The following TSPAN1 variants were observed in gnomAD, a reference collection of about 807,000 sequenced individuals.
TSPAN1 encodes the protein tetraspanin 1.
Under a neutral mutation model 26.9 loss-of-function variants are expected in TSPAN1, and 23 were observed. The ratio of observed to expected loss-of-function variants is 0.85; its 90% CI spans 0.62 to 1.21. The LOEUF is 1.21. Among genes scored for constraint, TSPAN1 ranks in the 50% most tolerant of loss-of-function variants. The probability of loss-of-function intolerance (pLI) is 0.00; values close to 1 mark genes in which losing one functional copy is unlikely to be tolerated. For synonymous variants in TSPAN1, 115 were observed against 114.8 expected, an observed-to-expected ratio of 1.00 and a Z score of -0.01; for missense variants, 283 against 298.4, an observed-to-expected ratio of 0.95 and a Z score of 0.38.
chr1:46,188,564 A>C, downstream of TSPAN1: 2 of 1,354,382 alleles, frequency 1.5e-6, no homozygotes, highest in Non-Finnish European at 2.0e-6. Flanking sequence ...AAATGGCCCC[A>C]AATGGAAGAT....
chr1:46,189,347 G>T (rs771922809), downstream of TSPAN1: 9 of 1,613,874 alleles, frequency 5.6e-6, no homozygotes, highest in African/African-American at 2.7e-5. Context: ...ACTGAGGGTG[G>T]CTTCTTCACT....
the TSPAN1 span, chr1:46,194,956 C>T: frequency 3.1e-6 from 5 of 1,614,062 alleles, no homozygotes; most frequent in Non-Finnish European, 1.7e-6. Flanking sequence ...GGAAGGAGCC[C>T]TCATCCTGGG....
downstream of TSPAN1, chr1:46,188,709 A>C (rs781425989): frequency 6.3e-7 from 1 of 1,597,706 alleles, no homozygotes; most frequent in Non-Finnish European, 8.5e-7. Context: ...TTTTTTAATC[A>C]ATGACCAACT....
rs751408151 is a variant in TSPAN1, at chr1:46,176,478, A to C, written c.-142+1069A>C. 7.8e-6 allele frequency: 12 copies of C among 1,535,354 alleles called. No individual in the cohort carries two copies. In the South Asian group the frequency reaches 1.3e-4, roughly 17 times the overall value. On this transcript the variant is annotated intron_variant, in intron 1 of 8. Coordinates refer to ENST00000372003, the MANE Select transcript of TSPAN1 (RefSeq NM_005727.4). Reference sequence around the variant, plus strand: ...CAAGCCGAGATGGCCCCATGGGCACAGGGAGCTTCTGCAGTGTGCCTGGGG... The same window carrying C: ...CAAGCCGAGATGGCCCCATGGGCACCGGGAGCTTCTGCAGTGTGCCTGGGG...
At chr1:46,188,685 C>T (rs1657501943), downstream of TSPAN1, 1 of 1,591,990 alleles carries the variant, frequency 6.3e-7, no homozygotes, top group African/African-American at 1.3e-5. Context: ...AAGACATCCC[C>T]AGAGGGCTTC....
chr1:46,185,578 G>C lies in TSPAN1; in HGVS notation c.*45G>C. The C allele has an allele frequency of 6.2e-7, 1 of 1,604,172 alleles. No individual in the cohort carries two copies. The highest frequency in any genetic ancestry group is 1.3e-5 in the African/African-American group (1 of 74,834). ...ACTACTGCTGCCACATGGGAACTGTGAAGAGGCACCCTGGCAAGCAGCAGT... is the reference window on the plus strand; with the variant it reads ...ACTACTGCTGCCACATGGGAACTGTCAAGAGGCACCCTGGCAAGCAGCAGT... On this transcript the variant is annotated 3_prime_UTR_variant, in exon 9 of 9. Transcript: ENST00000372003.
chr1:46,182,303 G>GTAAAAAAAAAAAAAAAAAAAAAAAAAA lies in TSPAN1; in HGVS notation c.57+1139_57+1140insTAAAAAAAAAAAAAAAAAAAAAAAAAA, dbSNP rs1557664937. Among the ~76,000 whole-genome samples, 2 of 2,414 alleles carry GTAAAAAAAAAAAAAAAAAAAAAAAAAA rather than the reference G, an allele frequency of 8.3e-4. 1 individual carries two copies. Among genetic ancestry groups the GTAAAAAAAAAAAAAAAAAAAAAAAAAA allele is most frequent in the African/African-American group, 9.0e-4 (2 of 2,214 alleles). 1.6% of individuals were successfully genotyped at this position (2,414 alleles called of 152,430 possible). On this transcript the variant is annotated intron_variant, in intron 3 of 8. Transcript: ENST00000372003. ...GGGAAACCCAATTTATTAGGGATAAGCAAAAAAAAAAAAAGCCACTGTGAA... is the reference window on the plus strand; with the variant it reads ...GGGAAACCCAATTTATTAGGGATAAGTAAAAAAAAAAAAAAAAAAAAAAAAAACAAAAAAAAAAAAAGCCACTGTGAA...
intron 3 of TSPAN1, 117 bp downstream of exon 3, chr1:46,181,281 C>T (rs1657309620): frequency 9.8e-7 from 1 of 1,016,304 alleles, no homozygotes; most frequent in South Asian, 1.5e-5. Flanking sequence ...CTGCATGTGT[C>T]CCCTTATGAG....
chr1:46,176,132 C>T (rs1269351367), intron 1 of TSPAN1: 18 of 1,420,598 alleles, frequency 1.3e-5, no homozygotes, highest in Non-Finnish European at 1.7e-5. Context: ...GCCTTGGCCT[C>T]CCAAAGTGCC....
chr1:46,184,392 G>A lies in TSPAN1; in HGVS notation c.259G>A (p.Val87Met), dbSNP rs2234268. The change falls in exon 4 of 9, where the codon GTG (valine) becomes ATG (methionine). Residue 87 changes from valine to methionine, a missense_variant. Physicochemically the swap from Val to Met is conservative, Grantham distance 21. Transcript: ENST00000372003. ...GAKTESKCAL[V>M]TFFFILLLIF... ...TAAGACTGAGAGCAAGTGTGCCCTC[G>A]TGACGGTGTGTGAAACCCAGCTCCA... 212 of 1,614,016 alleles carry A rather than the reference G, an allele frequency of 1.3e-4. 2 individuals carry two copies. The East Asian group carries it at 3.7e-3, about 28-fold the overall frequency.
downstream of TSPAN1, chr1:46,190,387 G>A: frequency 6.7e-7 from 1 of 1,482,860 alleles, no homozygotes; most frequent in Non-Finnish European, 9.4e-7. Flanking sequence ...TTTTCATTTT[G>A]CACAGGACCC....
downstream of TSPAN1, among the ~76,000 whole-genome samples, chr1:46,186,696 C>T (rs1404991753): frequency 3.1e-5 from 4 of 130,324 alleles, no homozygotes; most frequent in South Asian, 1.0e-3. Flanking sequence ...GAGAGTCTCG[C>T]TGTCGCCCAG....
In TSPAN1 at chr1:46,184,289, G is replaced by A. The variant is rs1657375616; in HGVS notation, c.156G>A (p.Gln52=). 6.2e-7 allele frequency: 1 copy of A among 1,614,098 alleles called. No individual in the cohort carries two copies. The highest frequency in any genetic ancestry group is 1.7e-5 in the Admixed American group (1 of 60,002). ...IFGPLSSSAM[Q]FVNVGYFLIA... The stretch of plus-strand genomic sequence containing the variant: ...GGCCACTGTCGTCCAGTGCCATGCA[G>A]TTTGTCAACGTGGGCTACTTCCTCA... Residue 52 remains glutamine (Q), a synonymous_variant, in exon 4 of 9, where the codon CAG becomes CAA. Transcript: ENST00000372003.
chr1:46,176,400 C>T, intron 1 of TSPAN1: 3 of 1,535,768 alleles, frequency 2.0e-6, no homozygotes, highest in East Asian at 4.9e-5. Context: ...TGGGCCAGCC[C>T]ATACCTGGCC....
At position 46,185,726 on chromosome 1, in the gene TSPAN1, T is replaced by C. The variant is rs1156400033; in HGVS notation, c.*193T>C. 4.6e-6 allele frequency: 3 copies of C among 649,378 alleles called. No individual in the cohort carries two copies. Among genetic ancestry groups the C allele is most frequent in the Non-Finnish European group, 8.0e-6 (3 of 375,218 alleles). The allele number at this position is 649,378 out of a possible 1,614,324, so 40.2% of individuals were successfully genotyped here. On this transcript the variant is annotated 3_prime_UTR_variant, in exon 9 of 9. Coordinates refer to ENST00000372003, the MANE Select transcript of TSPAN1 (RefSeq NM_005727.4). The stretch of plus-strand genomic sequence containing the variant: ...TAGGCGATGCCTGACTTTCCTTCCA[T>C]TGGTGGGTGGATGGGTGGGGGGCAT...
Position 46,185,571 on chromosome 1 carries a change from G to C in TSPAN1, c.*38G>C, listed in dbSNP as rs1317182350. 2 of 1,610,160 alleles carry C rather than the reference G, an allele frequency of 1.2e-6. No individual in the cohort carries two copies. Among genetic ancestry groups the C allele is most frequent in the East Asian group, 2.2e-5 (1 of 44,866 alleles). The stretch of plus-strand genomic sequence containing the variant: ...CTCTGCCACTACTGCTGCCACATGG[G>C]AACTGTGAAGAGGCACCCTGGCAAG... On this transcript the variant is annotated 3_prime_UTR_variant, in exon 9 of 9. Transcript: ENST00000372003.
chr1:46,184,550 G>A (rs369022299), intron 4 of TSPAN1, 44 bp from the exon 5 acceptor site: 1 of 1,609,304 alleles, frequency 6.2e-7, no homozygotes, highest in Non-Finnish European at 8.5e-7. Flanking sequence ...GAGGGCATGA[G>A]GGACTGTCTC....
At position 46,185,002 on chromosome 1, in the gene TSPAN1, T is replaced by C; in HGVS notation, c.481T>C (p.Ser161Pro). ...CACCAACTATACGGATTTTGAGGAC[T>C]CACCCTACTTCAAAGAGAACAGTGC... is the stretch of plus-strand genomic sequence containing the variant. Reference protein sequence around the residue: ...GFTNYTDFEDSPYFKENSAFP... With the variant: ...GFTNYTDFEDPPYFKENSAFP... The change falls in exon 7 of 9, where the codon TCA becomes CCA. Residue 161 changes from serine (S) to proline (P), a missense_variant. Transcript: ENST00000372003. The C allele has an allele frequency of 6.2e-7, 1 of 1,614,202 alleles. No homozygotes were observed. Among genetic ancestry groups the C allele is most frequent in the Non-Finnish European group, 8.5e-7 (1 of 1,180,046 alleles).
At chr1:46,176,306 T>C (rs564098993) in intron 1 of TSPAN1, 4 of 1,535,792 alleles carry the variant, frequency 2.6e-6, no homozygotes, top group East Asian at 2.4e-5. Flanking sequence ...GCAGGATTGA[T>C]GGCTGCACTG....
Sources: allele counts gnomAD v4.1 joint callset (sites outside exome capture counted in the v4.1 genomes callset), GRCh38; gene constraint gnomAD v4.1.1; transcripts MANE v1.5; gene names NCBI Gene and HGNC (gene_info 2026-07-23, HGNC 2026-07-21).